The following MYO19 variants were observed in gnomAD, a reference collection of about 807,000 sequenced individuals.
The protein encoded by MYO19 is unconventional myosin-XIX.
A neutral mutation model predicts 129.2 loss-of-function variants in MYO19; 132 were observed. The ratio of observed to expected loss-of-function variants is 1.02; its 90% confidence interval spans 0.89 to 1.18. The LOEUF (loss-of-function observed/expected upper bound fraction) is 1.18, where lower values mean the gene tolerates loss of function less well. Among genes scored for constraint, MYO19 ranks in the 50% most tolerant of loss-of-function variants. The pLI is 0.00. For missense variants in MYO19, 1,210 were observed against 1,216.7 expected (o/e 0.99, Z 0.08); for synonymous variants, 531 against 477.2 (o/e 1.11, Z -1.47).
intron 3 of MYO19, among the ~76,000 whole-genome samples, chr17:36,529,184 G>C (rs2073676417): frequency 6.6e-6 from 1 of 151,790 alleles, no homozygotes; most frequent in South Asian, 2.1e-4. Context: ...TTAAGAGATG[G>C]AGTCTTGCTC....
intron 3 of MYO19, among the ~76,000 whole-genome samples, chr17:36,528,605 G>A (rs1468846328): frequency 3.3e-5 from 5 of 152,096 alleles, no homozygotes; most frequent in Non-Finnish European, 5.9e-5. Flanking sequence ...ATAGTAGAAG[G>A]AGACTCTGGT....
chr17:36,496,504 G>C, intron 25 of MYO19, 98 bp from the exon 26 acceptor site: 1 of 1,137,910 alleles, frequency 8.8e-7, no homozygotes, highest in Admixed American at 2.1e-5. Context: ...AAGAAGGTAT[G>C]GACAAGTACT....
At chr17:36,540,986 T>C (rs1027516172) in intron 2 of MYO19, among the ~76,000 whole-genome samples, 2 of 152,042 alleles carry the variant, frequency 1.3e-5, no homozygotes, top group Non-Finnish European at 2.9e-5. Flanking sequence ...GTGACTCCCA[T>C]AATTTTAATT....
At chr17:36,512,887 A>C (rs921627783) in intron 11 of MYO19, 50 of 1,132,072 alleles carry the variant, frequency 4.4e-5, no homozygotes, top group Non-Finnish European at 5.2e-5. Context: ...GGGCAGTCTC[A>C]TGTTCCAGAG....
At chr17:36,505,043 C>A in intron 19 of MYO19, 1 of 700,354 alleles carries the variant, frequency 1.4e-6, no homozygotes, top group Non-Finnish European at 2.7e-6. Context: ...TTCAGTCTCT[C>A]ATCAGGGTAC....
At chr17:36,538,979 C>G (rs1320953748), upstream of MYO19, 13 of 179,316 alleles carry the variant, frequency 7.2e-5, no homozygotes. Flanking sequence ...GTCTCAAACT[C>G]CTGAACTCAA....
rs774287731 is a variant in MYO19 at position 36,499,158 on chromosome 17, T to G, written c.2380A>C (p.Ile794Leu). Reference protein sequence around the residue: ...WRAVMLIQAAIRSWLTRKHIQ... With the variant: ...WRAVMLIQAALRSWLTRKHIQ... ...TGTTTCCGAGTTAACCAGGAACGAATGGCTAAGAGGTTTGCCCAGAAACAG... is the reference window on the plus strand; with the variant it reads ...TGTTTCCGAGTTAACCAGGAACGAAGGGCTAAGAGGTTTGCCCAGAAACAG... The change falls in exon 24 of 26, where the codon ATT becomes CTT. Residue 794 changes from isoleucine to leucine, a missense_variant and splice_region_variant. Ile to Leu is a conservative substitution (Grantham distance 5). Transcript: ENST00000614623. The G allele has an allele frequency of 6.2e-7, 1 of 1,602,564 alleles. No individual in the cohort carries two copies. Among genetic ancestry groups the G allele is most frequent in the East Asian group, 2.2e-5 (1 of 44,650 alleles).
At chr17:36,512,381 C>T (rs2072410623) in intron 11 of MYO19, among the ~76,000 whole-genome samples, 1 of 143,168 alleles carries the variant, frequency 7.0e-6, no homozygotes, top group East Asian at 2.1e-4. Context: ...TAGAGTAAAA[C>T]TCCATCTCAA....
chr17:36,542,250 T>C (rs2074201046), intron 1 of MYO19: 1 of 150,542 alleles, frequency 6.6e-6, no homozygotes. Flanking sequence ...TTATATATGT[T>C]TTAATACCTT....
chr17:36,518,810 AT>A lies in MYO19; in HGVS notation c.415-2821del, dbSNP rs912789976. On this transcript the variant is annotated intron_variant, in intron 6 of 25. Transcript: ENST00000614623. ...GATAGATAGATAGACAGATAGATAG[AT>A]TTTTTTTCTTTATAGTATCATTGTG... Among the ~76,000 whole-genome samples, 7 of 151,700 alleles carry A rather than the reference AT, an allele frequency of 4.6e-5. No homozygotes were observed. In the South Asian group the frequency reaches 8.3e-4, roughly 18 times the overall value.
intron 1 of MYO19, chr17:36,534,307 C>G (rs753587751): frequency 1.3e-5 from 2 of 152,246 alleles, no homozygotes; most frequent in Non-Finnish European, 2.9e-5. Flanking sequence ...ACCGGGGACT[C>G]AAGGTCCGGG....
intron 2 of MYO19, among the ~76,000 whole-genome samples, chr17:36,540,939 C>G (rs1447727175): frequency 6.6e-6 from 1 of 152,174 alleles, no homozygotes; most frequent in East Asian, 1.9e-4. Context: ...AGAACATAAT[C>G]TGTCCAGGAC....
chr17:36,541,455 T>A (rs1376677804), intron 2 of MYO19, among the ~76,000 whole-genome samples: 5 of 152,228 alleles, frequency 3.3e-5, no homozygotes, highest in Admixed American at 3.3e-4. Flanking sequence ...TTGGTACTTT[T>A]CATTTTTTTT....
At chr17:36,531,658 C>T (rs757792464) in intron 3 of MYO19, among the ~76,000 whole-genome samples, 3 of 151,848 alleles carry the variant, frequency 2.0e-5, no homozygotes, top group Non-Finnish European at 4.4e-5. Context: ...CTGTTTTGCC[C>T]ACTTCTTACC....
chr17:36,511,408 G>A lies in MYO19; in HGVS notation c.942C>T (p.Ser314=), dbSNP rs1356717183. The change falls in exon 12 of 26, where the codon TCC becomes TCT. Residue 314 remains serine, a synonymous_variant. Coordinates refer to ENST00000614623, the MANE Select transcript of MYO19 (RefSeq NM_001163735.2). ...GCTGGCAGGGCTGGGCTTCATCCTC[G>A]GAGGCAGCAAACTGGATATTGCCAA... is the stretch of plus-strand genomic sequence containing the variant. ...LHLGNIQFAA[S]EDEAQPCQPM... is the part of the protein sequence containing the mutation. 1.3e-5 allele frequency: 20 copies of A among 1,574,526 alleles called. No individual in the cohort carries two copies. The highest frequency in any genetic ancestry group is 9.4e-5 in the East Asian group (4 of 42,520).
chr17:36,503,533 A>G (rs8075322), intron 20 of MYO19, among the ~76,000 whole-genome samples: 10,747 of 152,254 alleles, frequency 0.071, 643 homozygotes, highest in African/African-American at 0.16. Context: ...GACCAGTCCT[A>G]TGACGCAGAC....
Position 36,513,499 on chromosome 17 carries a change from C to A in MYO19, c.824G>T (p.Cys275Phe). The change falls in exon 11 of 26, where the codon TGT (cysteine) becomes TTT (phenylalanine). Residue 275 changes from cysteine (C) to phenylalanine (F), a missense_variant. Transcript: ENST00000614623. ...CATGGCCTCTCTGGTCACCTCAAAA[C>A]AATCCTCTGAAAAAGAATCCAAGTT... ...PNPERSLEED[C>F]FEVTREAMLH... 1 of 1,613,968 alleles carries A rather than the reference C, an allele frequency of 6.2e-7. No homozygotes were observed. The highest frequency in any genetic ancestry group is 8.5e-7 in the Non-Finnish European group (1 of 1,179,874).
intron 5 of MYO19, 75 bp downstream of exon 5, chr17:36,527,476 G>A (rs540178986): frequency 2.7e-6 from 4 of 1,503,176 alleles, no homozygotes; most frequent in Non-Finnish European, 3.6e-6. Flanking sequence ...AGATGAATAA[G>A]GACAGGGGTA....
At chr17:36,522,990 AGC>A (rs1303035503) in intron 6 of MYO19, among the ~76,000 whole-genome samples, 3 of 148,288 alleles carry the variant, frequency 2.0e-5, no homozygotes, top group East Asian at 3.9e-4. Flanking sequence ...TGGGCAACAG[AGC>A]AAGACTCCGT....
Sources: allele counts gnomAD v4.1 joint callset (sites outside exome capture counted in the v4.1 genomes callset), GRCh38; gene constraint gnomAD v4.1.1; transcripts MANE v1.5; gene names NCBI Gene and HGNC (gene_info 2026-07-23, HGNC 2026-07-21).